KIAA0825: variants seen among roughly 807,000 people sequenced by gnomAD.
The protein encoded by KIAA0825 is KIAA0825.
Under a neutral mutation model 147.6 loss-of-function variants are expected in KIAA0825, and 119 were observed. The observed-to-expected ratio is 0.81, with a 90% CI of 0.69 to 0.94. The LOEUF (loss-of-function observed/expected upper bound fraction) is 0.94. Ranked by LOEUF, KIAA0825 falls within the 40% of genes least tolerant of loss-of-function variation. The probability of loss-of-function intolerance (pLI) is 0.00; values close to 1 mark genes in which losing one functional copy is unlikely to be tolerated. For synonymous variants in KIAA0825, 470 were observed against 518.1 expected (o/e 0.91, Z 1.26); for missense variants, 1,381 against 1,472.7 (o/e 0.94, Z 1.02).
chr5:94,175,435 G>T (rs1260672170), intron 20 of KIAA0825, among the ~76,000 whole-genome samples: 1 of 152,192 alleles, frequency 6.6e-6, no homozygotes, highest in African/African-American at 2.4e-5. Context: ...CTGACTGACA[G>T]TTCCAGAGCT....
chr5:94,214,383 G>C (rs887070133), intron 20 of KIAA0825, among the ~76,000 whole-genome samples: 3 of 152,032 alleles, frequency 2.0e-5, no homozygotes, highest in Non-Finnish European at 4.4e-5. Context: ...CTTTTAAATA[G>C]ACTTATTCAT....
At chr5:94,305,793 T>G (rs902770417) in intron 20 of KIAA0825, among the ~76,000 whole-genome samples, 1 of 151,946 alleles carries the variant, frequency 6.6e-6, no homozygotes, top group Non-Finnish European at 1.5e-5. Flanking sequence ...AACTTATTTG[T>G]GAATGTAAAA....
At chr5:94,451,526 T>C (rs1758403285) in intron 13 of KIAA0825, among the ~76,000 whole-genome samples, 1 of 152,228 alleles carries the variant, frequency 6.6e-6, no homozygotes, top group Non-Finnish European at 1.5e-5. Flanking sequence ...CCCCATGTTC[T>C]AGTCTTTGTG....
At chr5:94,538,841 T>C (rs1291282900) in intron 2 of KIAA0825, among the ~76,000 whole-genome samples, 1 of 152,196 alleles carries the variant, frequency 6.6e-6, no homozygotes. Flanking sequence ...CTCCTTAGGA[T>C]TTGTGAACAG....
intron 20 of KIAA0825, among the ~76,000 whole-genome samples, chr5:94,219,051 G>A (rs960217575): frequency 1.1e-4 from 16 of 152,142 alleles, no homozygotes; most frequent in Non-Finnish European, 2.9e-5. Flanking sequence ...TGGCACTAGA[G>A]ACTGGTTTTG....
chr5:94,460,049 C>T (rs1315084017), intron 12 of KIAA0825, among the ~76,000 whole-genome samples: 1 of 151,942 alleles, frequency 6.6e-6, no homozygotes, highest in African/African-American at 2.4e-5. Flanking sequence ...TTGCATTTAC[C>T]CAAAATTCTA....
chr5:94,314,980 A>G (rs989823455), intron 20 of KIAA0825, among the ~76,000 whole-genome samples: 8 of 151,578 alleles, frequency 5.3e-5, no homozygotes, highest in Non-Finnish European at 1.0e-4. Context: ...TCTCATTGGC[A>G]GCGGACAGAG....
At chr5:94,347,279 G>T (rs1472473792) in intron 20 of KIAA0825, among the ~76,000 whole-genome samples, 1 of 152,230 alleles carries the variant, frequency 6.6e-6, no homozygotes, top group Admixed American at 6.5e-5. Context: ...GCCCACTGCT[G>T]GTTCCTCCCC....
intron 20 of KIAA0825, among the ~76,000 whole-genome samples, chr5:94,255,745 G>C (rs557162297): frequency 9.1e-6 from 1 of 109,592 alleles, no homozygotes; most frequent in African/African-American, 3.5e-5. Flanking sequence ...TTGAGACAGG[G>C]TCTCACTCTG....
chr5:94,344,337 TAAG>T (rs1782756708), intron 20 of KIAA0825, among the ~76,000 whole-genome samples: 1 of 152,054 alleles, frequency 6.6e-6, no homozygotes, highest in East Asian at 1.9e-4. Context: ...AAAGCCAGAA[TAAG>T]AAGAAAATAT....
At chr5:94,200,873 A>G (rs1476830226) in intron 20 of KIAA0825, among the ~76,000 whole-genome samples, 5 of 148,796 alleles carry the variant, frequency 3.4e-5, no homozygotes, top group Middle Eastern at 3.3e-3. Flanking sequence ...TTTTCCTGCT[A>G]TATTCCTCAC....
At chr5:94,579,564 C>T (rs1191742874) in intron 2 of KIAA0825, among the ~76,000 whole-genome samples, 6 of 152,258 alleles carry the variant, frequency 3.9e-5, no homozygotes, top group Non-Finnish European at 8.8e-5. Flanking sequence ...ACATTAAATA[C>T]GTAAGTTAGA....
chr5:94,249,809 T>C (rs1044742737), intron 20 of KIAA0825, among the ~76,000 whole-genome samples: 1 of 151,742 alleles, frequency 6.6e-6, no homozygotes, highest in Non-Finnish European at 1.5e-5. Flanking sequence ...GTTTTTTTTT[T>C]TTTTGCTAAT....
chr5:94,439,852 A>C, intron 14 of KIAA0825, 130 bp downstream of exon 14: 1 of 939,134 alleles, frequency 1.1e-6, no homozygotes, highest in East Asian at 2.7e-5. Context: ...ACTGCTGCTA[A>C]CCCAGCTGAA....
chr5:94,403,734 C>G lies in KIAA0825; in HGVS notation c.2722G>C (p.Asp908His). The change falls in exon 16 of 21, where the codon GAT (aspartate) becomes CAT (histidine). Residue 908 changes from aspartate (D) to histidine (H), a missense_variant. Coordinates refer to ENST00000682413, the MANE Select transcript of KIAA0825 (RefSeq NM_001145678.3). ...VIRCLRLALT[D>H]AIKDTVQQIV... ...TGCTGTACAGTGTCCTTGATGGCAT[C>G]GGTCAGTGCCAGTCTCAAGCATCGG... 1 of 1,551,526 alleles carries G rather than the reference C, an allele frequency of 6.4e-7. No homozygotes were observed. Among genetic ancestry groups the G allele is most frequent in the Non-Finnish European group, 8.7e-7 (1 of 1,146,878 alleles).
At chr5:94,465,111 G>A (rs1760321510) in intron 10 of KIAA0825, 52 bp from the exon 11 acceptor site, 4 of 1,493,548 alleles carry the variant, frequency 2.7e-6, no homozygotes, top group Non-Finnish European at 2.7e-6. Flanking sequence ...CTAAAATGTC[G>A]ATTTGCTTCC....
At chr5:94,468,871 T>G (rs1443670971) in intron 10 of KIAA0825, among the ~76,000 whole-genome samples, 1 of 152,102 alleles carries the variant, frequency 6.6e-6, no homozygotes, top group Non-Finnish European at 1.5e-5. Flanking sequence ...GAGGAAAGGG[T>G]AAAATGGAAA....
intron 7 of KIAA0825, among the ~76,000 whole-genome samples, chr5:94,474,916 G>A (rs1017184507): frequency 4.0e-5 from 6 of 151,848 alleles, no homozygotes; most frequent in Non-Finnish European, 7.4e-5. Context: ...GGTGAAACCC[G>A]GTCTCTACTA....
At chr5:94,454,366 GTATCCTC>G (rs1758813893) in intron 12 of KIAA0825, among the ~76,000 whole-genome samples, 1 of 152,090 alleles carries the variant, frequency 6.6e-6, no homozygotes, top group South Asian at 2.1e-4. Flanking sequence ...CTTGCTTCTT[GTATCCTC>G]ATGCTTTTTC....
Sources: gnomAD v4.1 joint callset for allele counts (sites outside exome capture counted in the v4.1 genomes callset) on GRCh38, gnomAD v4.1.1 for gene constraint, MANE v1.5 for transcripts, NCBI Gene and HGNC (gene_info 2026-07-23, HGNC 2026-07-21) for gene names.